WWOX: variants seen among roughly 807,000 people sequenced by gnomAD.
WWOX encodes the protein WW domain containing oxidoreductase, also known as WW domain-containing oxidoreductase.
WWOX carries 69 observed loss-of-function variants against 46.2 expected under a neutral mutation model. The ratio of observed to expected loss-of-function variants is 1.49; its 90% CI spans 1.23 to 1.82. The LOEUF (loss-of-function observed/expected upper bound fraction) is 1.82, where lower values mean the gene tolerates loss of function less well. WWOX is among the 40% of genes most tolerant of loss of function. WWOX has a pLI of 0.00. For synonymous variants in WWOX, 359 were observed against 202.6 expected (o/e 1.77, Z -6.56); for missense variants, 919 against 542.6 (o/e 1.69, Z -6.89).
intron 5 of WWOX, among the ~76,000 whole-genome samples, chr16:78,295,708 C>A (rs2079934523): frequency 7.0e-6 from 1 of 142,214 alleles, no homozygotes; most frequent in Non-Finnish European, 1.5e-5. Flanking sequence ...AAGACTCAGT[C>A]TTAAAAAACA....
intron 5 of WWOX, among the ~76,000 whole-genome samples, chr16:78,195,420 C>T (rs1004927263): frequency 1.3e-5 from 2 of 152,042 alleles, no homozygotes; most frequent in African/African-American, 4.8e-5. Flanking sequence ...GGATGGCTTC[C>T]GAATGAACTC....
At chr16:78,606,993 G>C (rs1325991257) in intron 8 of WWOX, among the ~76,000 whole-genome samples, 1 of 151,958 alleles carries the variant, frequency 6.6e-6, no homozygotes, top group Admixed American at 6.6e-5. Context: ...CTCTGTTTTT[G>C]TTTTTGTCTG....
intron 8 of WWOX, among the ~76,000 whole-genome samples, chr16:78,763,204 C>G (rs2049837382): frequency 1.3e-5 from 2 of 152,222 alleles, no homozygotes; most frequent in African/African-American, 4.8e-5. Context: ...ATGGCTTGAT[C>G]TGTGTTTATT....
chr16:78,301,236 T>G (rs1346389531), intron 5 of WWOX, among the ~76,000 whole-genome samples: 2 of 152,312 alleles, frequency 1.3e-5, no homozygotes, highest in East Asian at 3.9e-4. Context: ...ATTCACAAAT[T>G]GTCTTTTATA....
chr16:78,506,208 C>T (rs1286768304), intron 8 of WWOX, among the ~76,000 whole-genome samples: 2 of 152,202 alleles, frequency 1.3e-5, no homozygotes, highest in African/African-American at 2.4e-5. Context: ...CATAACTTGG[C>T]CTCTTCGTTC....
chr16:78,128,788 T>C (rs889635311), intron 4 of WWOX, among the ~76,000 whole-genome samples: 1 of 152,242 alleles, frequency 6.6e-6, no homozygotes, highest in African/African-American at 2.4e-5. Context: ...TATAATGTCT[T>C]CCAACTGCCT....
chr16:79,205,026 C>G (rs916035107), intron 8 of WWOX: 2 of 152,168 alleles, frequency 1.3e-5, no homozygotes, highest in Non-Finnish European at 2.9e-5. Flanking sequence ...TCCTTCTAGC[C>G]AGACTCGGAT....
At chr16:79,191,807 A>AATC (rs1036619341) in intron 8 of WWOX, among the ~76,000 whole-genome samples, 3 of 152,190 alleles carry the variant, frequency 2.0e-5, no homozygotes, top group African/African-American at 7.2e-5. Context: ...TATTTAAAAA[A>AATC]ATCATAGCGT....
At chr16:79,142,611 A>G (rs1479302676) in intron 8 of WWOX, among the ~76,000 whole-genome samples, 1 of 152,194 alleles carries the variant, frequency 6.6e-6, no homozygotes, top group African/African-American at 2.4e-5. Context: ...CACAGAGTCC[A>G]TTTATTTCTC....
At position 78,202,809 on chromosome 16, in the gene WWOX, T is replaced by TG. The variant is rs1401951431; in HGVS notation, c.516+38523dup. Among the ~76,000 whole-genome samples the TG allele has an allele frequency of 8.0e-3, 908 of 112,876 alleles. 9 individuals are homozygous for TG. The highest frequency in any genetic ancestry group is 0.027 in the African/African-American group (820 of 29,964). The allele number at this position is 112,876 out of a possible 152,430, so 74.1% of individuals were successfully genotyped here. ...ATTTTTTGTTTTTTTCATTGCCTGG[T>TG]GGGTTTTTTTTTTTTTGTCTTTTTA... On this transcript the variant is annotated intron_variant, in intron 5 of 8. Transcript: ENST00000566780.
chr16:78,878,190 C>G (rs2044271611), intron 8 of WWOX, among the ~76,000 whole-genome samples: 1 of 152,158 alleles, frequency 6.6e-6, no homozygotes, highest in Admixed American at 6.5e-5. Flanking sequence ...TTCAGGAGGA[C>G]AGACCATGGA....
At chr16:78,374,342 A>G (rs1354649891) in intron 5 of WWOX, among the ~76,000 whole-genome samples, 2 of 152,240 alleles carry the variant, frequency 1.3e-5, no homozygotes, top group Admixed American at 6.5e-5. Flanking sequence ...TTAATGGATC[A>G]GTGAAATCCT....
chr16:78,732,226 C>G (rs2048987031), intron 8 of WWOX, among the ~76,000 whole-genome samples: 1 of 152,076 alleles, frequency 6.6e-6, no homozygotes, highest in South Asian at 2.1e-4. Flanking sequence ...ACAGGTGACG[C>G]TGCAGACTCT....
At chr16:78,532,666 A>G (rs979366233) in intron 8 of WWOX, among the ~76,000 whole-genome samples, 18 of 152,182 alleles carry the variant, frequency 1.2e-4, no homozygotes, top group Admixed American at 1.0e-3. Context: ...CGACACAGTG[A>G]TGGCAGAAGG....
At chr16:78,373,989 G>A (rs1472303850) in intron 5 of WWOX, among the ~76,000 whole-genome samples, 2 of 152,184 alleles carry the variant, frequency 1.3e-5, no homozygotes, top group African/African-American at 4.8e-5. Context: ...ATTTCACCAT[G>A]TTGGCCAGGC....
chr16:78,895,998 A>G (rs1475321114), intron 8 of WWOX: 2 of 152,178 alleles, frequency 1.3e-5, no homozygotes, highest in African/African-American at 4.8e-5. Context: ...GTCTTTTTTG[A>G]GAAATGAACA....
intron 5 of WWOX, among the ~76,000 whole-genome samples, chr16:78,360,259 T>A (rs1179040238): frequency 1.3e-5 from 2 of 152,162 alleles, no homozygotes; most frequent in Admixed American, 1.3e-4. Flanking sequence ...TCTGTCAATT[T>A]TTATTTTGAA....
intron 5 of WWOX, among the ~76,000 whole-genome samples, chr16:78,381,978 G>T (rs1213844919): frequency 6.6e-6 from 1 of 152,112 alleles, no homozygotes; most frequent in African/African-American, 2.4e-5. Context: ...TGATCTTCCT[G>T]CCGCAGCCTC....
chr16:78,958,912 A>G (rs551513944), intron 8 of WWOX, among the ~76,000 whole-genome samples: 1 of 152,322 alleles, frequency 6.6e-6, no homozygotes, highest in South Asian at 2.1e-4. Context: ...AGCATAGCTT[A>G]GTGGGGAGAG....
Sources: gnomAD v4.1 joint callset for allele counts (sites outside exome capture counted in the v4.1 genomes callset) on GRCh38, gnomAD v4.1.1 for gene constraint, MANE v1.5 for transcripts, NCBI Gene and HGNC (gene_info 2026-07-23, HGNC 2026-07-21) for gene names.